The following DGKG variants were observed in gnomAD, a reference collection of about 807,000 sequenced individuals.
DGKG encodes the protein DAG kinase gamma.
Under a neutral mutation model 105.3 loss-of-function variants are expected in DGKG, and 78 were observed. The ratio of observed to expected loss-of-function variants is 0.74; its 90% CI spans 0.62 to 0.89. The LOEUF (loss-of-function observed/expected upper bound fraction) is 0.89. Ranked by LOEUF, DGKG falls within the 40% of genes least tolerant of loss-of-function variation. The probability of loss-of-function intolerance (pLI) is 0.00; values close to 1 mark genes in which losing one functional copy is unlikely to be tolerated. For missense variants in DGKG, 958 were observed against 1,020.1 expected, an observed-to-expected ratio of 0.94 and a Z score of 0.83; for synonymous variants, 346 against 367.1, an observed-to-expected ratio of 0.94 and a Z score of 0.66.
Position 186,361,615 on chromosome 3 carries a change from G to A in DGKG, c.-249+331C>T, listed in dbSNP as rs1727234149. The stretch of plus-strand genomic sequence containing the variant: ...CAAGGAGCCAAGGTTAAGTCCAGAA[G>A]AAGAAGGAAATCCGACCAGTTGCTT... On this transcript the variant is annotated intron_variant, in intron 1 of 24. Coordinates refer to ENST00000265022, the MANE Select transcript of DGKG (RefSeq NM_001346.3). This position sits in a 1 kb window ranked among gnomAD's most constrained non-coding sequence, Gnocchi z 6.8. Among the ~76,000 whole-genome samples, 1 of 152,226 alleles carries A rather than the reference G, an allele frequency of 6.6e-6. No individual in the cohort carries two copies. Among genetic ancestry groups the A allele is most frequent in the Non-Finnish European group, 1.5e-5 (1 of 68,040 alleles).
intron 19 of DGKG, among the ~76,000 whole-genome samples, chr3:186,250,239 T>C (rs530904416): frequency 6.6e-6 from 1 of 152,254 alleles, no homozygotes; most frequent in African/African-American, 2.4e-5. Context: ...ACTCAATAAA[T>C]GCTAGTGGCT....
intron 19 of DGKG, among the ~76,000 whole-genome samples, chr3:186,251,055 A>T (rs1053836281): frequency 5.3e-5 from 8 of 152,134 alleles, no homozygotes; most frequent in Non-Finnish European, 1.2e-4. Context: ...TAGTGGGTGA[A>T]AAAGGAACAG....
At chr3:186,152,553 C>T (rs903675681) in intron 24 of DGKG, among the ~76,000 whole-genome samples, 1 of 152,202 alleles carries the variant, frequency 6.6e-6, no homozygotes, top group Non-Finnish European at 1.5e-5. Context: ...GGGTACAACA[C>T]ACTGTGGAAG....
At chr3:186,341,002 C>G (rs1034331507) in intron 1 of DGKG, among the ~76,000 whole-genome samples, 1 of 152,286 alleles carries the variant, frequency 6.6e-6, no homozygotes, top group African/African-American at 2.4e-5. Flanking sequence ...CTACCGAAAA[C>G]CACAAGCTTC....
intron 7 of DGKG, among the ~76,000 whole-genome samples, chr3:186,282,172 T>G (rs755860294): frequency 4.6e-5 from 7 of 151,486 alleles, no homozygotes; most frequent in African/African-American, 7.3e-5. Context: ...AAGGAAGGAG[T>G]TGAGGACTGG....
Position 186,288,789 on chromosome 3 carries a change from T to C in DGKG, c.465A>G (p.Glu155=), listed in dbSNP as rs1172673604. The C allele has an allele frequency of 1.2e-6, 2 of 1,613,578 alleles. No individual in the cohort carries two copies. Among genetic ancestry groups the C allele is most frequent in the Non-Finnish European group, 1.7e-6 (2 of 1,179,782 alleles). Residue 155 remains glutamate, a synonymous_variant, in exon 6 of 25, where the codon GAA becomes GAG. Transcript: ENST00000265022. ...CATCCTTCAGGTATACCACTGGGGA[T>C]TCCGAGCTTGAAGACCGAGGGACGG... The part of the protein sequence containing the change: ...EPPVPRSSSS[E]SPVVYLKDVV...
Position 186,148,177 on chromosome 3 carries a change from G to A in DGKG, c.*1913C>T. 1.0e-6 allele frequency: 1 copy of A among 985,480 alleles called. No individual in the cohort carries two copies. The highest frequency in any genetic ancestry group is 1.7e-5 in the African/African-American group (1 of 57,346). The allele number at this position is 985,480 out of a possible 1,614,324, so 61.0% of individuals were successfully genotyped here. A position where few individuals can be genotyped will look rare whatever the true frequency, so the allele number is the denominator to read the frequency against. On this transcript the variant is annotated 3_prime_UTR_variant, in exon 25 of 25. Transcript: ENST00000265022. ...AAGCTCTGCATGGCCTTGCCCTTGG[G>A]AAAGGATGGTAATGCTGGCACTTGC...
intron 20 of DGKG, among the ~76,000 whole-genome samples, chr3:186,238,970 A>T (rs1720548700): frequency 6.6e-6 from 1 of 152,160 alleles, no homozygotes; most frequent in African/African-American, 2.4e-5. Context: ...ACTTTTAAAC[A>T]TTTTGGGAGT....
intron 19 of DGKG, among the ~76,000 whole-genome samples, chr3:186,242,977 T>G (rs1344539612): frequency 1.3e-5 from 2 of 152,106 alleles, no homozygotes; most frequent in African/African-American, 4.8e-5. Context: ...TACTAGTTCT[T>G]TTTAAAATAG....
chr3:186,275,502 G>T, intron 10 of DGKG, 45 bp downstream of exon 10: 1 of 1,526,662 alleles, frequency 6.6e-7, no homozygotes, highest in Non-Finnish European at 9.1e-7. Flanking sequence ...CATGCGCAGA[G>T]CAAGATAGTG....
chr3:186,346,346 A>G (rs532418625), intron 1 of DGKG, among the ~76,000 whole-genome samples: 1 of 152,346 alleles, frequency 6.6e-6, no homozygotes, highest in African/African-American at 2.4e-5. Context: ...TGTAAAGACC[A>G]TGCCCTCTAG....
rs576830943 is a variant in DGKG at position 186,231,793 on chromosome 3, C to T, written c.1826+10711G>A. Among the ~76,000 whole-genome samples, 1 of 152,142 alleles carries T rather than the reference C, an allele frequency of 6.6e-6. No individual in the cohort carries two copies. Among genetic ancestry groups the T allele is most frequent in the African/African-American group, 2.4e-5 (1 of 41,502 alleles). ...AAAATTAGCTGGGCATGGTGGCGCG[C>T]ACCTGTAATCCCAGCTAATCAGGAG... On this transcript the variant is annotated intron_variant, in intron 20 of 24. Coordinates refer to ENST00000265022, the MANE Select transcript of DGKG (RefSeq NM_001346.3). This position sits in a 1 kb window ranked among gnomAD's most constrained non-coding sequence, Gnocchi z 4.5.
intron 4 of DGKG, 38 bp from the exon 5 acceptor site, chr3:186,297,521 C>T: frequency 6.8e-7 from 1 of 1,473,464 alleles, no homozygotes; most frequent in Non-Finnish European, 9.5e-7. Context: ...CCAACCCAGG[C>T]CCTCTAGCTT....
chr3:186,227,836 C>T (rs1026377682), intron 20 of DGKG, among the ~76,000 whole-genome samples: 1 of 152,138 alleles, frequency 6.6e-6, no homozygotes, highest in African/African-American at 2.4e-5. Flanking sequence ...ACTGAATATG[C>T]TAATCACATC....
intron 20 of DGKG, among the ~76,000 whole-genome samples, chr3:186,229,967 C>T (rs973537719): frequency 2.0e-5 from 3 of 152,134 alleles, no homozygotes; most frequent in Non-Finnish European, 4.4e-5. Context: ...GTGTCAAAAA[C>T]ACTGGAGATG....
chr3:186,276,008 A>G (rs997690885), intron 9 of DGKG, among the ~76,000 whole-genome samples: 1 of 151,706 alleles, frequency 6.6e-6, no homozygotes. Context: ...TCTATCATCT[A>G]TCTATCTATC....
chr3:186,306,967 C>T lies in DGKG; in HGVS notation c.78G>A (p.Lys26=), dbSNP rs879248327. ...ATTCAGTCAAGGCATCTTTTATCTT[C>T]TTGGAGGAATCTGAAGAGACACAAT... The part of the protein sequence containing the change: ...QLQKYSEYSS[K]KIKDALTEFN... The change falls in exon 3 of 25, where the codon AAG becomes AAA. Residue 26 remains lysine (K), a synonymous_variant. Transcript: ENST00000265022. 3 of 1,612,034 alleles carry T rather than the reference C, an allele frequency of 1.9e-6. No individual in the cohort carries two copies. In the South Asian group the frequency reaches 3.3e-5, roughly 18 times the overall value.
chr3:186,321,289 T>C (rs542677414), intron 1 of DGKG, among the ~76,000 whole-genome samples: 1 of 152,284 alleles, frequency 6.6e-6, no homozygotes, highest in South Asian at 2.1e-4. Flanking sequence ...ATACTGTGGG[T>C]CATTAAATCA....
rs1233770141 is a variant in DGKG, at chr3:186,211,821, T to G, written c.1891A>C (p.Lys631Gln). Residue 631 changes from lysine to glutamine, a missense_variant, in exon 21 of 25, where the codon AAA (lysine) becomes CAA (glutamine). Physicochemically the swap from Lys to Gln is moderately conservative, Grantham distance 53 (BLOSUM62 1). This residue lies in a region of DGKG where 315 missense variants were observed against 400.6 expected (regional missense o/e 0.79). Coordinates refer to ENST00000265022, the MANE Select transcript of DGKG (RefSeq NM_001346.3). ...TCCAACTCAATGTGGTCGTGGAGTTTCTTGCAGGTCGCTGCAAAAGTCTCC... is the reference window on the plus strand; with the variant it reads ...TCCAACTCAATGTGGTCGTGGAGTTGCTTGCAGGTCGCTGCAAAAGTCTCC... ...TSETFAATCK[K>Q]LHDHIELECD... is the part of the protein sequence containing the mutation. 6.2e-7 allele frequency: 1 copy of G among 1,614,106 alleles called. No homozygotes were observed. The highest frequency in any genetic ancestry group is 2.2e-5 in the East Asian group (1 of 44,902).
Sources: gnomAD v4.1 joint callset for allele counts (sites outside exome capture counted in the v4.1 genomes callset) on GRCh38, gnomAD v4.1.1 for gene constraint, gnomAD v4.1.1 regional missense constraint, Gnocchi (gnomAD v3.1) non-coding constraint, MANE v1.5 for transcripts, NCBI Gene and HGNC (gene_info 2026-07-23, HGNC 2026-07-21) for gene names.